CNTNAP2: variants seen among roughly 807,000 people sequenced by gnomAD.
CNTNAP2 encodes the protein contactin-associated protein-like 2.
A neutral mutation model predicts 155.2 loss-of-function variants in CNTNAP2; 98 were observed. The observed-to-expected ratio is 0.63, with a 90% CI of 0.54 to 0.75. The LOEUF is 0.75. CNTNAP2 is among the 30% of genes least tolerant of loss of function. The pLI, the probability that CNTNAP2 is intolerant of heterozygous loss-of-function variation, is 0.00. For synonymous variants in CNTNAP2, 651 were observed against 631.2 expected (o/e 1.03, Z -0.47); for missense variants, 1,727 against 1,688.1 (o/e 1.02, Z -0.40).
chr7:148,062,489 C>A (rs375072504), intron 15 of CNTNAP2, among the ~76,000 whole-genome samples: 2 of 151,860 alleles, frequency 1.3e-5, no homozygotes, highest in Non-Finnish European at 2.9e-5. Flanking sequence ...TTTAGGCACA[C>A]GACAATAAGT....
chr7:147,246,775 G>C (rs1804079443), intron 8 of CNTNAP2, among the ~76,000 whole-genome samples: 1 of 152,172 alleles, frequency 6.6e-6, no homozygotes, highest in Non-Finnish European at 1.5e-5. Context: ...GAAATATCCA[G>C]AGTGATGTCT....
chr7:147,103,716 T>C lies in CNTNAP2; in HGVS notation c.551-4431T>C, dbSNP rs1030313990. Among the ~76,000 whole-genome samples, 6 of 151,994 alleles carry C rather than the reference T, an allele frequency of 3.9e-5. No homozygotes were observed. In the East Asian group the frequency reaches 1.2e-3, roughly 29 times the overall value. ...CTTTTTTCTCTAAAAATCTATATAA[T>C]TTTTTACCTTTATTGAATTATTATA... On this transcript the variant is annotated intron_variant, in intron 4 of 23. Coordinates refer to ENST00000361727, the MANE Select transcript of CNTNAP2 (RefSeq NM_014141.6).
chr7:147,084,573 T>G (rs1800230036), intron 4 of CNTNAP2, among the ~76,000 whole-genome samples: 1 of 145,986 alleles, frequency 6.8e-6, no homozygotes, highest in Admixed American at 7.0e-5. Context: ...TACATGTATA[T>G]ACATATGTAC....
intron 13 of CNTNAP2, among the ~76,000 whole-genome samples, chr7:147,824,092 G>A (rs944883357): frequency 5.3e-5 from 8 of 152,104 alleles, no homozygotes; most frequent in Admixed American, 5.2e-4. Context: ...AATATTATGT[G>A]TTTAGTGTCT....
At chr7:147,711,969 C>T (rs1796406263) in intron 13 of CNTNAP2, among the ~76,000 whole-genome samples, 1 of 152,132 alleles carries the variant, frequency 6.6e-6, no homozygotes, top group African/African-American at 2.4e-5. Flanking sequence ...TTATCATAGG[C>T]TGTATTTGAA....
chr7:147,930,010 T>G (rs1800468288), intron 14 of CNTNAP2, among the ~76,000 whole-genome samples: 1 of 152,094 alleles, frequency 6.6e-6, no homozygotes, highest in Non-Finnish European at 1.5e-5. Context: ...CAGGCGGGAA[T>G]GCTCACTCGC....
intron 13 of CNTNAP2, among the ~76,000 whole-genome samples, chr7:147,696,092 CA>C (rs1382843197): frequency 6.6e-6 from 1 of 152,150 alleles, no homozygotes. Context: ...ATTTCATGTA[CA>C]ACACATATTG....
At chr7:146,708,790 G>C (rs753939932) in intron 1 of CNTNAP2, among the ~76,000 whole-genome samples, 2 of 151,514 alleles carry the variant, frequency 1.3e-5, no homozygotes, top group Non-Finnish European at 2.9e-5. Flanking sequence ...GTTTTGCCTT[G>C]TTAGCCAGGC....
intron 15 of CNTNAP2, among the ~76,000 whole-genome samples, chr7:147,980,283 G>T (rs1270066774): frequency 6.6e-6 from 1 of 152,076 alleles, no homozygotes; most frequent in Admixed American, 6.5e-5. Context: ...AAGAGAAAAT[G>T]AGAAAAGTAT....
At position 147,108,337 on chromosome 7, in the gene CNTNAP2, C is replaced by G. The variant is rs540045509; in HGVS notation, c.741C>G (p.Leu247=). Residue 247 remains leucine, a synonymous_variant, in exon 5 of 24, where the codon CTC becomes CTG. Transcript: ENST00000361727. ...AACTGAAAAAAGCCAAGCTGGTCCT[C>G]AGTTTAAACTTAGGTGTGTTCTGAC... ...TLELKKAKLV[L]SLNLGSNQLG... 19 of 1,613,060 alleles carry G rather than the reference C, an allele frequency of 1.2e-5. No homozygotes were observed. Among genetic ancestry groups the G allele is most frequent in the Non-Finnish European group, 1.5e-5 (18 of 1,179,508 alleles).
chr7:147,963,243 A>T (rs1336619068), intron 14 of CNTNAP2, among the ~76,000 whole-genome samples: 1 of 152,150 alleles, frequency 6.6e-6, no homozygotes, highest in Admixed American at 6.6e-5. Context: ...AGAATGTGCT[A>T]TAGAGACAAA....
chr7:147,875,652 G>A (rs1184302400), intron 13 of CNTNAP2, among the ~76,000 whole-genome samples: 1 of 152,144 alleles, frequency 6.6e-6, no homozygotes, highest in Non-Finnish European at 1.5e-5. Flanking sequence ...AGCACTTTGG[G>A]AGGCCAAGGT....
At chr7:147,411,361 A>G (rs1797099481) in intron 10 of CNTNAP2, among the ~76,000 whole-genome samples, 1 of 152,238 alleles carries the variant, frequency 6.6e-6, no homozygotes, top group Admixed American at 6.5e-5. Flanking sequence ...CAGTTACACA[A>G]CTGTGTATAA....
intron 10 of CNTNAP2, among the ~76,000 whole-genome samples, chr7:147,466,626 A>G (rs1798124912): frequency 1.3e-5 from 2 of 152,214 alleles, no homozygotes; most frequent in Admixed American, 6.5e-5. Context: ...TGAGCATCCT[A>G]GAAAATAAAA....
intron 1 of CNTNAP2, among the ~76,000 whole-genome samples, chr7:146,574,178 C>A (rs1329470046): frequency 1.5e-5 from 2 of 133,236 alleles, no homozygotes; most frequent in Admixed American, 1.5e-4. Flanking sequence ...TCTCCTTAAT[C>A]CCTTCACTTC....
chr7:146,775,986 A>G lies in CNTNAP2; in HGVS notation c.208+1605A>G, dbSNP rs111531045. Among the ~76,000 whole-genome samples, 503 of 152,282 alleles carry G rather than the reference A, an allele frequency of 3.3e-3. 2 individuals are homozygous for G. The highest frequency in any genetic ancestry group is 0.012 in the African/African-American group (490 of 41,570). On this transcript the variant is annotated intron_variant, in intron 2 of 23. Coordinates refer to ENST00000361727, the MANE Select transcript of CNTNAP2 (RefSeq NM_014141.6). ...GACATGAGAGAGTTGTTGAGTTACT[A>G]TAAGTTATCAAAAATTCTGCATAAA...
intron 11 of CNTNAP2, among the ~76,000 whole-genome samples, chr7:147,521,306 C>A (rs940661696): frequency 7.9e-5 from 12 of 152,030 alleles, no homozygotes; most frequent in African/African-American, 2.9e-4. Flanking sequence ...TATCGGGAAC[C>A]AAAGAAGCAT....
intron 1 of CNTNAP2, among the ~76,000 whole-genome samples, chr7:146,371,923 C>CACTCCAGCCTGGGCGACAGAGTGAA (rs1795242501): frequency 1.3e-5 from 2 of 149,184 alleles, no homozygotes; most frequent in African/African-American, 5.0e-5. Context: ...CGCGCCACTG[C>CACTCCAGCCTGGGCGACAGAGTGAA]ACTCCAGCCT....
intron 15 of CNTNAP2, among the ~76,000 whole-genome samples, chr7:148,046,547 C>A (rs1036074026): frequency 6.6e-6 from 1 of 152,136 alleles, no homozygotes; most frequent in Non-Finnish European, 1.5e-5. Flanking sequence ...CCGAGTTAGA[C>A]TTCCACTTTT....
Sources: allele counts gnomAD v4.1 joint callset (sites outside exome capture counted in the v4.1 genomes callset), GRCh38; gene constraint gnomAD v4.1.1; transcripts MANE v1.5; gene names NCBI Gene and HGNC (gene_info 2026-07-23, HGNC 2026-07-21).